Variants in SOX5 observed in about 807,000 individuals in gnomAD.
SOX5 encodes the protein transcription factor SOX-5.
A neutral mutation model predicts 92.0 loss-of-function variants in SOX5; 9 were observed. The observed-to-expected ratio is 0.10, with a 90% CI of 0.06 to 0.17. The LOEUF is 0.17. SOX5 is among the 10% of genes least tolerant of loss of function. The probability of loss-of-function intolerance (pLI) is 1.00; values close to 1 mark genes in which losing one functional copy is unlikely to be tolerated. For synonymous variants in SOX5, 344 were observed against 336.3 expected (o/e 1.02, Z -0.25); for missense variants, 642 against 944.5 (o/e 0.68, Z 4.20).
At chr12:23,702,642 C>T (rs2090819532) in intron 6 of SOX5, among the ~76,000 whole-genome samples, 1 of 151,990 alleles carries the variant, frequency 6.6e-6, no homozygotes, top group African/African-American at 2.4e-5. Context: ...AAGGATGTTA[C>T]ACAAACAGTA....
chr12:23,923,935 G>A (rs1939198810), intron 1 of SOX5, among the ~76,000 whole-genome samples: 1 of 152,022 alleles, frequency 6.6e-6, no homozygotes, highest in African/African-American at 2.4e-5. Context: ...TCACTTCTTA[G>A]GACTTCAATG....
intron 6 of SOX5, among the ~76,000 whole-genome samples, chr12:23,729,579 T>C (rs898165807): frequency 2.0e-5 from 3 of 152,176 alleles, no homozygotes; most frequent in Non-Finnish European, 4.4e-5. Flanking sequence ...GCTTAACTTA[T>C]GAATCAGAAA....
chr12:24,395,536 A>G (rs943024808), intron 1 of SOX5, among the ~76,000 whole-genome samples: 3 of 152,154 alleles, frequency 2.0e-5, no homozygotes, highest in Non-Finnish European at 4.4e-5. Context: ...AATTCTATTA[A>G]CTGGCAATAA....
intron 4 of SOX5, among the ~76,000 whole-genome samples, chr12:24,095,152 G>GAC (rs1945236613): frequency 7.3e-6 from 1 of 137,578 alleles, no homozygotes; most frequent in Non-Finnish European, 1.6e-5. Context: ...GAGAGAGAGA[G>GAC]AGAGACAGAG....
At chr12:23,781,683 C>T (rs529511886) in intron 3 of SOX5, among the ~76,000 whole-genome samples, 1 of 151,796 alleles carries the variant, frequency 6.6e-6, no homozygotes, top group South Asian at 2.1e-4. Context: ...TCTCTCTCTC[C>T]CCCGCTTTTA....
Position 23,711,289 on chromosome 12 carries a change from A to C in SOX5, c.810+23395T>G, listed in dbSNP as rs576786475. Among the ~76,000 whole-genome samples the C allele has an allele frequency of 3.3e-5, 5 of 152,308 alleles. No homozygotes were observed. In the South Asian group the frequency reaches 1.0e-3, roughly 32 times the overall value. On this transcript the variant is annotated intron_variant, in intron 6 of 14. Coordinates refer to ENST00000451604, the MANE Select transcript of SOX5 (RefSeq NM_006940.6). ...AATTCACATTACACCATAGGGTTGGATAGTCTTCACTTCTTAATTTTTAAA... is the reference window on the plus strand; with the variant it reads ...AATTCACATTACACCATAGGGTTGGCTAGTCTTCACTTCTTAATTTTTAAA...
chr12:24,082,954 C>A (rs1467559577), intron 4 of SOX5, among the ~76,000 whole-genome samples: 1 of 151,816 alleles, frequency 6.6e-6, no homozygotes, highest in Non-Finnish European at 1.5e-5. Context: ...ATAATAATGG[C>A]AACAAACTTC....
At chr12:23,965,711 C>A (rs751775254) in intron 4 of SOX5, among the ~76,000 whole-genome samples, 10 of 152,120 alleles carry the variant, frequency 6.6e-5, no homozygotes, top group Non-Finnish European at 1.5e-4. Context: ...CTCTGCCCCC[C>A]AGGTTCAAGC....
At chr12:23,993,908 T>A (rs3983419) in intron 4 of SOX5, among the ~76,000 whole-genome samples, 1 of 132,316 alleles carries the variant, frequency 7.6e-6, no homozygotes, top group Non-Finnish European at 1.6e-5. Context: ...TGTATGTATG[T>A]ATGTATGCAT....
chr12:23,755,835 A>T, intron 3 of SOX5, 111 bp from the exon 4 acceptor site: 1 of 623,092 alleles, frequency 1.6e-6, no homozygotes, highest in Non-Finnish European at 2.7e-6. Flanking sequence ...GCCCCACTTC[A>T]TAATGGCTTC....
At chr12:23,813,982 A>G (rs1029541931) in intron 3 of SOX5, among the ~76,000 whole-genome samples, 4 of 152,196 alleles carry the variant, frequency 2.6e-5, no homozygotes, top group African/African-American at 7.2e-5. Context: ...CATATAAGCA[A>G]TAATGAATTT....
chr12:24,464,065 G>A (rs1475295519), intron 1 of SOX5, among the ~76,000 whole-genome samples: 1 of 152,156 alleles, frequency 6.6e-6, no homozygotes, highest in Non-Finnish European at 1.5e-5. Flanking sequence ...ATTAATTAGG[G>A]ACTACTCTAG....
intron 2 of SOX5, among the ~76,000 whole-genome samples, chr12:23,851,968 G>A (rs2096638319): frequency 6.6e-6 from 1 of 152,082 alleles, no homozygotes; most frequent in Non-Finnish European, 1.5e-5. Flanking sequence ...ATGATCAGCG[G>A]CTAGGTTGGT....
chr12:24,491,851 C>T (rs570445591), intron 1 of SOX5, among the ~76,000 whole-genome samples: 6 of 152,224 alleles, frequency 3.9e-5, no homozygotes, highest in Admixed American at 1.3e-4. Flanking sequence ...CCGTTTCACA[C>T]TCCAAGCAGA....
intron 9 of SOX5, among the ~76,000 whole-genome samples, chr12:23,598,387 CTTTTTTT>C (rs201719026): frequency 9.5e-5 from 9 of 95,164 alleles, no homozygotes; most frequent in African/African-American, 1.8e-4. Context: ...TGTGCTTTAT[CTTTTTTT>C]TTTTTTTTTT....
At chr12:24,148,017 A>G (rs1275423344) in intron 4 of SOX5, among the ~76,000 whole-genome samples, 1 of 152,208 alleles carries the variant, frequency 6.6e-6, no homozygotes, top group East Asian at 1.9e-4. Context: ...CATGATCCCA[A>G]TAAAAACTCC....
At position 23,976,339 on chromosome 12, in the gene SOX5, AGAT is replaced by A. The variant is rs367660142; in HGVS notation, c.-1-80318_-1-80316del. Among the ~76,000 whole-genome samples, 1,195 of 144,802 alleles carry A rather than the reference AGAT, an allele frequency of 8.3e-3. 23 individuals are homozygous for A. The highest frequency in any genetic ancestry group is 0.028 in the African/African-American group (1,134 of 39,886). The allele number at this position is 144,802 out of a possible 152,430, so 95.0% of individuals were successfully genotyped here. ...CCGTAAAAGACCTTCAGTTTCTTAG[AGAT>A]GATGTATTTAAATACAGGTAAACAC... On this transcript the variant is annotated intron_variant, in intron 4 of 4. Coordinates refer to the SOX5 transcript ENST00000446891.
intron 2 of SOX5, among the ~76,000 whole-genome samples, chr12:23,880,711 C>G (rs2096979124): frequency 6.6e-6 from 1 of 152,172 alleles, no homozygotes; most frequent in South Asian, 2.1e-4. Context: ...CTTGGGCTAT[C>G]CCCCTACCTG....
At chr12:24,091,428 A>ATTTTTTTTTTTTT (rs556198750) in intron 4 of SOX5, among the ~76,000 whole-genome samples, 1 of 122,696 alleles carries the variant, frequency 8.2e-6, no homozygotes, top group African/African-American at 3.1e-5. Context: ...AGAGAATGCT[A>ATTTTTTTTTTTTT]TTTTTTTTTT....
Sources: gnomAD v4.1 joint callset for allele counts (sites outside exome capture counted in the v4.1 genomes callset) on GRCh38, gnomAD v4.1.1 for gene constraint, MANE v1.5 for transcripts, NCBI Gene and HGNC (gene_info 2026-07-23, HGNC 2026-07-21) for gene names.